TUSC3: variants seen among roughly 807,000 people sequenced by gnomAD.
TUSC3 encodes tumor suppressor candidate 3.
TUSC3 carries 45 observed loss-of-function variants against 44.8 expected under a neutral mutation model. The observed-to-expected ratio is 1.00, with a 90% CI of 0.79 to 1.29. The LOEUF (loss-of-function observed/expected upper bound fraction) is 1.29. TUSC3 is among the 50% of genes most tolerant of loss of function. TUSC3 has a pLI of 0.00. For synonymous variants in TUSC3, 212 were observed against 152.9 expected (o/e 1.39, Z -2.85); for missense variants, 519 against 437.9 (o/e 1.19, Z -1.65).
At position 15,659,922 on chromosome 8, in the gene TUSC3, A is replaced by G. The variant is rs906229544; in HGVS notation, c.567+275A>G. On this transcript the variant is annotated intron_variant, in intron 4 of 10. Transcript: ENST00000503731. ...GGCTAAAAAACGTTTAAAACGTTTCAGTGGTAGTAATCAAGGAAATTCTAA... is the reference window on the plus strand; with the variant it reads ...GGCTAAAAAACGTTTAAAACGTTTCGGTGGTAGTAATCAAGGAAATTCTAA... Among the ~76,000 whole-genome samples the G allele has an allele frequency of 2.0e-5, 3 of 152,236 alleles. No individual in the cohort carries two copies. In the South Asian group the frequency reaches 6.2e-4, roughly 32 times the overall value.
chr8:15,786,249 T>C, the TUSC3 span, among the ~76,000 whole-genome samples: 4 of 152,190 alleles, frequency 2.6e-5, no homozygotes, highest in East Asian at 1.9e-4. Flanking sequence ...TGAAAACAAA[T>C]TGACAACTTA....
chr8:15,610,241 G>T (rs1029283362), intron 1 of TUSC3, among the ~76,000 whole-genome samples: 1 of 151,990 alleles, frequency 6.6e-6, no homozygotes, highest in Non-Finnish European at 1.5e-5. Flanking sequence ...TCATTGATCC[G>T]ATTTTGTTAT....
intron 6 of TUSC3, among the ~76,000 whole-genome samples, chr8:15,692,802 T>C (rs1036834357): frequency 1.3e-5 from 2 of 152,110 alleles, no homozygotes; most frequent in African/African-American, 4.8e-5. Context: ...GACTGTGTGG[T>C]TATGTCAGTC....
At chr8:15,435,035 C>T (rs988643254) in intron 1 of TUSC3, among the ~76,000 whole-genome samples, 4 of 147,782 alleles carry the variant, frequency 2.7e-5, no homozygotes, top group Non-Finnish European at 5.9e-5. Context: ...ATTTATAATC[C>T]TTTGGGTATA....
chr8:15,632,361 T>C (rs1212095997), intron 2 of TUSC3, among the ~76,000 whole-genome samples: 1 of 152,106 alleles, frequency 6.6e-6, no homozygotes, highest in Non-Finnish European at 1.5e-5. Context: ...AAGGGAAGAG[T>C]ACTATAGCAG....
intron 1 of TUSC3, among the ~76,000 whole-genome samples, chr8:15,587,925 A>G (rs932685575): frequency 1.3e-5 from 2 of 152,104 alleles, no homozygotes; most frequent in African/African-American, 4.8e-5. Context: ...ATAATATTCT[A>G]TTATATATAT....
chr8:15,508,248 G>T (rs1224793939), intron 2 of TUSC3, among the ~76,000 whole-genome samples: 2 of 151,792 alleles, frequency 1.3e-5, no homozygotes, highest in East Asian at 3.9e-4. Context: ...TAACAACAAT[G>T]ACAACAAAAA....
the TUSC3 span, among the ~76,000 whole-genome samples, chr8:15,833,252 C>A: frequency 2.6e-5 from 4 of 152,160 alleles, no homozygotes; most frequent in Non-Finnish European, 5.9e-5. Flanking sequence ...CATTTATACG[C>A]TGTTGATGGG....
At position 15,724,457 on chromosome 8, in the gene TUSC3, T is replaced by A. The variant is rs56727327; in HGVS notation, c.799-6209T>A. 0.012 allele frequency among the ~76,000 whole-genome samples: 1,878 copies of A among 152,216 alleles called. 86 individuals are homozygous for A. In the East Asian group the frequency reaches 0.14, roughly 12 times the overall value. On this transcript the variant is annotated intron_variant, in intron 6 of 10. Coordinates refer to ENST00000503731, the MANE Select transcript of TUSC3 (RefSeq NM_006765.4). ...GTTAAGATGAATTTCAGAGATAGGTTCGTTTAAAAACAGCAAGGCAACCCT... is the reference window on the plus strand; with the variant it reads ...GTTAAGATGAATTTCAGAGATAGGTACGTTTAAAAACAGCAAGGCAACCCT...
chr8:15,619,596 A>T (rs767770752), intron 1 of TUSC3, among the ~76,000 whole-genome samples: 15 of 151,828 alleles, frequency 9.9e-5, no homozygotes, highest in South Asian at 2.1e-4. Flanking sequence ...GGTTCACGCC[A>T]TTCTCCTGCC....
At chr8:15,754,339 A>T (rs573395924) in intron 9 of TUSC3, among the ~76,000 whole-genome samples, 8 of 145,978 alleles carry the variant, frequency 5.5e-5, no homozygotes, top group Admixed American at 2.1e-4. Flanking sequence ...AGAAATAAAT[A>T]CATTGAAGTA....
chr8:15,523,649 T>C (rs1231139586), intron 2 of TUSC3, among the ~76,000 whole-genome samples: 10 of 23,946 alleles, frequency 4.2e-4, no homozygotes, highest in Admixed American at 2.5e-3. Flanking sequence ...CATATATATA[T>C]ATATATATAT....
chr8:15,677,784 G>A (rs137981186), intron 6 of TUSC3, among the ~76,000 whole-genome samples: 1 of 152,200 alleles, frequency 6.6e-6, no homozygotes, highest in Non-Finnish European at 1.5e-5. Flanking sequence ...AAGGTGGGGA[G>A]TAGTAAGATA....
chr8:15,803,630 G>A, the TUSC3 span, among the ~76,000 whole-genome samples: 3 of 152,166 alleles, frequency 2.0e-5, no homozygotes, highest in Admixed American at 1.3e-4. Context: ...CTGCCATGGT[G>A]GTTTGCTGTA....
At chr8:15,449,453 G>C (rs993678272) in intron 1 of TUSC3, among the ~76,000 whole-genome samples, 1 of 152,098 alleles carries the variant, frequency 6.6e-6, no homozygotes, top group Non-Finnish European at 1.5e-5. Flanking sequence ...CATGGCTGGT[G>C]GTCTCTTACC....
intron 1 of TUSC3, among the ~76,000 whole-genome samples, chr8:15,443,176 CT>C (rs1284974971): frequency 6.6e-6 from 1 of 151,106 alleles, no homozygotes; most frequent in South Asian, 2.1e-4. Flanking sequence ...TCCTTCCTTT[CT>C]TTTTTTTAGA....
intron 2 of TUSC3, among the ~76,000 whole-genome samples, chr8:15,506,126 C>T (rs1801047389): frequency 6.6e-6 from 1 of 152,138 alleles, no homozygotes; most frequent in South Asian, 2.1e-4. Flanking sequence ...AGAGTGACTT[C>T]CACATCATAC....
chr8:15,626,400 C>T (rs1053095329), intron 2 of TUSC3, among the ~76,000 whole-genome samples: 4 of 152,216 alleles, frequency 2.6e-5, no homozygotes, highest in Admixed American at 2.6e-4. Context: ...TGGGGCAGTG[C>T]TGTGCTCCAT....
At chr8:15,779,629 GGAA>G in the TUSC3 span, among the ~76,000 whole-genome samples, 1 of 152,144 alleles carries the variant, frequency 6.6e-6, no homozygotes, top group Non-Finnish European at 1.5e-5. Flanking sequence ...ACTGAAAAGA[GGAA>G]GAGTAAAAAT....
Sources: gnomAD v4.1 joint callset for allele counts (sites outside exome capture counted in the v4.1 genomes callset) on GRCh38, gnomAD v4.1.1 for gene constraint, MANE v1.5 for transcripts, NCBI Gene and HGNC (gene_info 2026-07-23, HGNC 2026-07-21) for gene names.